Variants in NACA observed in about 807,000 individuals in gnomAD.
The protein encoded by NACA is nascent polypeptide-associated complex subunit alpha.
A neutral mutation model predicts 86.4 loss-of-function variants in NACA; 42 were observed. The observed-to-expected ratio is 0.49, with a 90% CI of 0.38 to 0.63. NACA has a LOEUF of 0.63. Among genes scored for constraint, NACA ranks in the 20% least tolerant of loss-of-function variants. NACA has a pLI of 0.00. For synonymous variants in NACA, 898 were observed against 973.7 expected (o/e 0.92, Z 1.45); for missense variants, 2,157 against 2,483.6 (o/e 0.87, Z 2.80).
At chr12:56,722,195 C>A (rs1220930499) in intron 2 of NACA, among the ~76,000 whole-genome samples, 6 of 152,116 alleles carry the variant, frequency 3.9e-5, no homozygotes, top group Non-Finnish European at 7.4e-5. Flanking sequence ...TCACAAAACC[C>A]AAACAAGAAA....
chr12:56,716,129 G>A lies in NACA; in HGVS notation c.5401C>T (p.Pro1801Ser). 6.2e-7 allele frequency: 1 copy of A among 1,613,514 alleles called. No individual in the cohort carries two copies. Among genetic ancestry groups the A allele is most frequent in the East Asian group, 2.2e-5 (1 of 44,884 alleles). ...GTGGGAACTGGGGAGGGAGCAAGAG[G>A]CAGAGAGACTGGTGGGGAGGGTGCT... is the stretch of plus-strand genomic sequence containing the variant. ...SAAPSPPVSLPLAPSPVPTLP... is the reference protein window; with the variant it reads ...SAAPSPPVSLSLAPSPVPTLP... Residue 1801 changes from proline (P) to serine (S), a missense_variant, in exon 3 of 9, where the codon CCT becomes TCT. Physicochemically the swap from Pro to Ser is moderately conservative, Grantham distance 74 (BLOSUM62 -1). This residue lies in a region of NACA where 797 missense variants were observed against 777.6 expected (regional missense o/e 1.02). Coordinates refer to ENST00000454682, the MANE Select transcript of NACA (RefSeq NM_001365896.1).
intron 2 of NACA, among the ~76,000 whole-genome samples, chr12:56,722,566 T>C (rs1953601846): frequency 6.6e-6 from 1 of 152,106 alleles, no homozygotes; most frequent in South Asian, 2.1e-4. Context: ...TGTACACCTG[T>C]AATACCAGCT....
Position 56,720,166 on chromosome 12 carries a change from G to A in NACA, c.1364C>T (p.Thr455Ile). The A allele has an allele frequency of 3.7e-6, 6 of 1,613,976 alleles. No homozygotes were observed. Among genetic ancestry groups the A allele is most frequent in the Non-Finnish European group, 5.1e-6 (6 of 1,179,892 alleles). Residue 455 changes from threonine (T) to isoleucine (I), a missense_variant, in exon 3 of 9, where the codon ACT (threonine) becomes ATT (isoleucine). Physicochemically the swap from Thr to Ile is moderately conservative, Grantham distance 89. Transcript: ENST00000454682. ...AACACAAGTAGCTACCTCAAAGGTA[G>A]TAGTAGGTGCTGCAGCAATTGTACA... ...NPCTIAAAPTTTFEVATCVSP... is the reference protein window; with the variant it reads ...NPCTIAAAPTITFEVATCVSP...
In NACA at chr12:56,716,919, C is replaced by G. The variant is rs749274652; in HGVS notation, c.4611G>C (p.Lys1537Asn). ...CTTTGGGGGCTAGAGTTGCTGGGGT[C>G]TTTTTAGAGAGAAGAGTCGCTGTTG... ...IAPTATLLSK[K>N]TPATLAPKEA... Residue 1537 changes from lysine to asparagine, a missense_variant, in exon 3 of 9, where the codon AAG becomes AAC. Lys to Asn is a moderately conservative substitution (Grantham distance 94). Around this residue, in one of 8 missense-constraint regions of NACA, gnomAD observed 797 missense variants for 777.6 expected, o/e 1.02. Coordinates refer to ENST00000454682, the MANE Select transcript of NACA (RefSeq NM_001365896.1). 2.2e-5 allele frequency: 29 copies of G among 1,298,090 alleles called. No individual in the cohort carries two copies. Among genetic ancestry groups the G allele is most frequent in the Non-Finnish European group, 2.8e-5 (28 of 1,003,540 alleles). 80.4% of individuals were successfully genotyped at this position (1,298,090 alleles called of 1,614,324 possible). A position where few individuals can be genotyped will look rare whatever the true frequency, so the allele number is the denominator to read the frequency against.
chr12:56,716,385 A>T lies in NACA; in HGVS notation c.5145T>A (p.Pro1715=). ...QTKKSSATSP[P]ICPDPSAKNG... Reference sequence around the variant, plus strand: ...TCTTAGCTGAGGGATCTGGGCATATAGGAGGTGAAGTAGCAGAACTCTTTT... The same window carrying T: ...TCTTAGCTGAGGGATCTGGGCATATTGGAGGTGAAGTAGCAGAACTCTTTT... Residue 1715 remains proline (P), a synonymous_variant, in exon 3 of 9, where the codon CCT becomes CCA. Coordinates refer to ENST00000454682, the MANE Select transcript of NACA (RefSeq NM_001365896.1). 1 of 1,609,438 alleles carries T rather than the reference A, an allele frequency of 6.2e-7. No homozygotes were observed. The highest frequency in any genetic ancestry group is 8.5e-7 in the Non-Finnish European group (1 of 1,177,596).
chr12:56,714,528 A>T lies in NACA; in HGVS notation c.5745+74T>A, dbSNP rs1953297483. ...TGGGTTTTCCTTTATGAAGGTTCACAGTTCCAAATACAAAAGTTGCCCTGA... is the reference window on the plus strand; with the variant it reads ...TGGGTTTTCCTTTATGAAGGTTCACTGTTCCAAATACAAAAGTTGCCCTGA... On this transcript the variant is annotated intron_variant, in intron 4 of 8. Coordinates refer to ENST00000454682, the MANE Select transcript of NACA (RefSeq NM_001365896.1). 1.9e-6 allele frequency: 3 copies of T among 1,603,084 alleles called. No homozygotes were observed. In the Admixed American group the frequency reaches 5.0e-5, roughly 27 times the overall value.
rs1204960340 is a variant in NACA at position 56,715,935 on chromosome 12, AG to A, written c.5594del (p.Pro1865LeufsTer120). 6.5e-7 allele frequency: 1 copy of A among 1,530,422 alleles called. No individual in the cohort carries two copies. The highest frequency in any genetic ancestry group is 1.3e-5 in the South Asian group (1 of 78,320). The allele number at this position is 1,530,422 out of a possible 1,614,324, so 94.8% of individuals were successfully genotyped here. A position where few individuals can be genotyped will look rare whatever the true frequency, so the allele number is the denominator to read the frequency against. On this transcript the variant is annotated frameshift_variant, in exon 3 of 9. Transcript: ENST00000454682. LOFTEE classifies it high-confidence loss of function. ...TTGGGACAGGGATTCCAGCAGATTT[AG>A]GGGTGGGCATGTTGACGAGGACCGA... ...FQSVLVNMPT[P>X]KSAGIPVPTP...
chr12:56,719,227 T>A lies in NACA; in HGVS notation c.2303A>T (p.Lys768Ile). Residue 768 changes from lysine to isoleucine, a missense_variant, in exon 3 of 9, where the codon AAA (lysine) becomes ATA (isoleucine). Lys to Ile is a moderately radical substitution (Grantham distance 102). Around this residue, in one of 8 missense-constraint regions of NACA, gnomAD observed 947 missense variants for 917.9 expected, o/e 1.03. Transcript: ENST00000454682. ...ACCAGAGTCCTCAGTTGGGCACTCT[T>A]TGGGAGAGGAAGCAACAGGTGCCAA... ...SALAPVASSPKECPTEDSGAS... is the reference protein window; with the variant it reads ...SALAPVASSPIECPTEDSGAS... 1 of 1,505,048 alleles carries A rather than the reference T, an allele frequency of 6.6e-7. No homozygotes were observed. Among genetic ancestry groups the A allele is most frequent in the Non-Finnish European group, 9.0e-7 (1 of 1,110,154 alleles). 93.2% of individuals were successfully genotyped at this position (1,505,048 alleles called of 1,614,324 possible). A position where few individuals can be genotyped will look rare whatever the true frequency, so the allele number is the denominator to read the frequency against.
In NACA at chr12:56,719,651, C is replaced by T; in HGVS notation, c.1879G>A (p.Ala627Thr). 6.2e-7 allele frequency: 1 copy of T among 1,613,768 alleles called. No homozygotes were observed. Among genetic ancestry groups the T allele is most frequent in the Non-Finnish European group, 8.5e-7 (1 of 1,179,718 alleles). The change falls in exon 3 of 9, where the codon GCA (alanine) becomes ACA (threonine). Residue 627 changes from alanine (A) to threonine (T), a missense_variant. By Grantham distance (58) the Ala-to-Thr change is moderately conservative (BLOSUM62 0). This residue lies in a region of NACA where 947 missense variants were observed against 917.9 expected (regional missense o/e 1.03). Coordinates refer to ENST00000454682, the MANE Select transcript of NACA (RefSeq NM_001365896.1). ...SASVIKTDSYAGPDSAGPLLK... is the reference protein window; with the variant it reads ...SASVIKTDSYTGPDSAGPLLK... ...AGCGGACCAGCAGAGTCTGGGCCTG[C>T]ATAAGAATCTGTCTTGATTACAGAG...
chr12:56,719,783 G>T lies in NACA; in HGVS notation c.1747C>A (p.Pro583Thr), dbSNP rs181419853. Residue 583 changes from proline to threonine, a missense_variant, in exon 3 of 9, where the codon CCT (proline) becomes ACT (threonine). Around this residue, in one of 8 missense-constraint regions of NACA, gnomAD observed 947 missense variants for 917.9 expected, o/e 1.03. Coordinates refer to ENST00000454682, the MANE Select transcript of NACA (RefSeq NM_001365896.1). Reference sequence around the variant, plus strand: ...GCTAGGGTGGCTTCAGGAGAAAGAGGTATCTCTGGAGAAGAGGATGTACTT... The same window carrying T: ...GCTAGGGTGGCTTCAGGAGAAAGAGTTATCTCTGGAGAAGAGGATGTACTT... ...FQSTSSSPEIPLSPEATLAKK... is the reference protein window; with the variant it reads ...FQSTSSSPEITLSPEATLAKK... The T allele has an allele frequency of 4.3e-4, 692 of 1,613,888 alleles. 8 individuals carry two copies. The East Asian group carries it at 0.011, about 26-fold the overall frequency.
In NACA at chr12:56,717,686, G is replaced by C. The variant is rs370481244; in HGVS notation, c.3844C>G (p.Pro1282Ala). The C allele has an allele frequency of 8.6e-6, 10 of 1,156,236 alleles. No homozygotes were observed. In the African/African-American group the frequency reaches 1.5e-4, roughly 18 times the overall value. 71.6% of individuals were successfully genotyped at this position (1,156,236 alleles called of 1,614,324 possible). A position where few individuals can be genotyped will look rare whatever the true frequency, so the allele number is the denominator to read the frequency against. The change falls in exon 3 of 9, where the codon CCC becomes GCC. Residue 1282 changes from proline (P) to alanine (A), a missense_variant. By Grantham distance (27) the Pro-to-Ala change is conservative (BLOSUM62 -1). Coordinates refer to ENST00000454682, the MANE Select transcript of NACA (RefSeq NM_001365896.1). ...GCGGGATTGGGGGCCCCTTTGTGGG[G>C]TGGGGTAGCTAGACCTCCTTTTAGG... ...PSLKGGLATPPHKGAPNPAVV... is the reference protein window; with the variant it reads ...PSLKGGLATPAHKGAPNPAVV...
chr12:56,716,246 A>C lies in NACA; in HGVS notation c.5284T>G (p.Leu1762Val), dbSNP rs781237360. ...KDASHSPKGPLAPPESKASTP... is the reference protein window; with the variant it reads ...KDASHSPKGPVAPPESKASTP... The stretch of plus-strand genomic sequence containing the variant: ...GACGCCTTAGACTCAGGAGGAGCCA[A>C]GGGGCCCTTTGGGGAATGAGAAGCA... Residue 1762 changes from leucine (L) to valine (V), a missense_variant, in exon 3 of 9, where the codon TTG becomes GTG. This residue lies in a region of NACA where 797 missense variants were observed against 777.6 expected (regional missense o/e 1.02). Transcript: ENST00000454682. 6.2e-7 allele frequency: 1 copy of C among 1,613,714 alleles called. No homozygotes were observed. Among genetic ancestry groups the C allele is most frequent in the African/African-American group, 1.3e-5 (1 of 74,930 alleles).
At position 56,717,337 on chromosome 12, in the gene NACA, G is replaced by A. The variant is rs1288013520; in HGVS notation, c.4193C>T (p.Pro1398Leu). ...TGCTGGGGAAGTGGGGTCCCCTTTG[G>A]GAGATGGGATAGCTGGTCCTCTTTT... ...SPKRGPAIPS[P>L]KGDPTSPAVI... The change falls in exon 3 of 9, where the codon CCC becomes CTC. Residue 1398 changes from proline to leucine, a missense_variant. By Grantham distance (98) the Pro-to-Leu change is moderately conservative. This residue lies in a region of NACA where 797 missense variants were observed against 777.6 expected (regional missense o/e 1.02). Coordinates refer to ENST00000454682, the MANE Select transcript of NACA (RefSeq NM_001365896.1). 1 of 1,369,056 alleles carries A rather than the reference G, an allele frequency of 7.3e-7. No individual in the cohort carries two copies. Among genetic ancestry groups the A allele is most frequent in the East Asian group, 3.2e-5 (1 of 30,808 alleles). The allele number at this position is 1,369,056 out of a possible 1,614,324, so 84.8% of individuals were successfully genotyped here.
Position 56,719,092 on chromosome 12 carries a change from C to T in NACA, c.2438G>A (p.Gly813Asp). 1 of 1,451,388 alleles carries T rather than the reference C, an allele frequency of 6.9e-7. No individual in the cohort carries two copies. Among genetic ancestry groups the T allele is most frequent in the Non-Finnish European group, 9.3e-7 (1 of 1,074,114 alleles). 89.9% of individuals were successfully genotyped at this position (1,451,388 alleles called of 1,614,324 possible). Residue 813 changes from glycine to aspartate, a missense_variant, in exon 3 of 9, where the codon GGT becomes GAT. This residue lies in a region of NACA where 174 missense variants were observed against 217.0 expected (regional missense o/e 0.80). Coordinates refer to ENST00000454682, the MANE Select transcript of NACA (RefSeq NM_001365896.1). ...PQTKRPPTKK[G>D]SAGPDTPIGN... is the part of the protein sequence containing the mutation. ...AATAGGAGTATCAGGGCCAGCAGAA[C>T]CCTTCTTGGTTGGAGGTCTTTTAGT...
rs754465833 is a variant in NACA, at chr12:56,721,191, T to TG, written c.338dup (p.Ala114SerfsTer43). ...TGGGAGAGGCTAGAGCTAAGGCAGC[T>TG]GGGGAGATGGGAGGCCCTATTAGGT... On this transcript the variant is annotated frameshift_variant, in exon 3 of 9. Transcript: ENST00000454682. LOFTEE classifies it high-confidence loss of function. 2.5e-6 allele frequency: 4 copies of TG among 1,613,670 alleles called. No homozygotes were observed. The African/African-American group carries it at 5.3e-5, about 22-fold the overall frequency.
intron 3 of NACA, among the ~76,000 whole-genome samples, chr12:56,715,514 GGTTA>G (rs1452510564): frequency 2.0e-5 from 3 of 152,134 alleles, no homozygotes; most frequent in South Asian, 2.1e-4. Context: ...CCAGGGACAA[GGTTA>G]GTTAGTGATG....
rs748861315 is a variant in NACA, at chr12:56,721,015, A to G, written c.515T>C (p.Val172Ala). Residue 172 changes from valine to alanine, a missense_variant, in exon 3 of 9, where the codon GTG becomes GCG. Physicochemically the swap from Val to Ala is moderately conservative, Grantham distance 64. Around this residue, in one of 8 missense-constraint regions of NACA, gnomAD observed 947 missense variants for 917.9 expected, o/e 1.03. Transcript: ENST00000454682. ...PSVAVAESGS[V>A]ITLSAPIAPS... ...AGCAATGGGAGCTGACAGAGTTATCACTGACCCTGACTCAGCTACAGCCAC... is the reference window on the plus strand; with the variant it reads ...AGCAATGGGAGCTGACAGAGTTATCGCTGACCCTGACTCAGCTACAGCCAC... 7.4e-6 allele frequency: 12 copies of G among 1,614,012 alleles called. No homozygotes were observed. In the South Asian group the frequency reaches 1.2e-4, roughly 16 times the overall value.
rs777801740 is a variant in NACA, at chr12:56,713,197, G to A, written c.5971-7C>T. The stretch of plus-strand genomic sequence containing the variant: ...GCTGGGATAAATCTTCGATCTACAG[G>A]GTAGAAAATACAGATCCATGTGAGT... On this transcript the variant is annotated splice_region_variant and splice_polypyrimidine_tract_variant and intron_variant, in intron 6 of 8. Transcript: ENST00000454682. 57 of 1,613,456 alleles carry A rather than the reference G, an allele frequency of 3.5e-5. No homozygotes were observed. Among genetic ancestry groups the A allele is most frequent in the Non-Finnish European group, 4.5e-5 (53 of 1,179,704 alleles).
rs1338734941 is a variant in NACA at position 56,713,112 on chromosome 12, G to C, written c.6049C>G (p.Gln2017Glu). 2.5e-6 allele frequency: 4 copies of C among 1,613,984 alleles called. No homozygotes were observed. The highest frequency in any genetic ancestry group is 3.3e-5 in the Admixed American group (2 of 60,004). Reference sequence around the variant, plus strand: ...ACAGTTGGAGTCTGTGTGTTTTCTTGAATGTTTGAGACAGCTTCACCTTGA... The same window carrying C: ...ACAGTTGGAGTCTGTGTGTTTTCTTCAATGTTTGAGACAGCTTCACCTTGA... Reference protein sequence around the residue: ...KVQGEAVSNIQENTQTPTVQE... With the variant: ...KVQGEAVSNIEENTQTPTVQE... Residue 2017 changes from glutamine to glutamate, a missense_variant, in exon 7 of 9, where the codon CAA (glutamine) becomes GAA (glutamate). Transcript: ENST00000454682.
Sources: gnomAD v4.1 joint callset for allele counts (sites outside exome capture counted in the v4.1 genomes callset) on GRCh38, gnomAD v4.1.1 for gene constraint, gnomAD v4.1.1 regional missense constraint, MANE v1.5 for transcripts, NCBI Gene and HGNC (gene_info 2026-07-23, HGNC 2026-07-21) for gene names.